The following KCNMB2 variants were observed in gnomAD, a reference collection of about 807,000 sequenced individuals.
KCNMB2 encodes calcium-activated potassium channel subunit beta-2.
KCNMB2 carries 9 observed loss-of-function variants against 24.5 expected under a neutral mutation model. The observed-to-expected ratio is 0.37, with a 90% CI of 0.22 to 0.64. The LOEUF is 0.64. Ranked by LOEUF, KCNMB2 falls within the 30% of genes least tolerant of loss-of-function variation. The probability of loss-of-function intolerance (pLI) is 0.63; values close to 1 mark genes in which losing one functional copy is unlikely to be tolerated. For missense variants in KCNMB2, 226 were observed against 284.3 expected (o/e 0.79, Z 1.47); for synonymous variants, 109 against 104.4 (o/e 1.04, Z -0.27).
chr3:178,610,309 T>C (rs903524727), intron 1 of KCNMB2, among the ~76,000 whole-genome samples: 2 of 152,130 alleles, frequency 1.3e-5, no homozygotes, highest in Non-Finnish European at 2.9e-5. Flanking sequence ...CTGTGAAAAA[T>C]ATTGGTATTT....
At chr3:178,787,227 AT>A (rs1230037780) in intron 1 of KCNMB2, among the ~76,000 whole-genome samples, 97 of 152,328 alleles carry the variant, frequency 6.4e-4, no homozygotes, top group African/African-American at 2.3e-3. Flanking sequence ...TATGTAATTC[AT>A]TTTTAAGTGG....
chr3:178,741,623 T>C (rs1723499706), intron 1 of KCNMB2, among the ~76,000 whole-genome samples: 1 of 152,160 alleles, frequency 6.6e-6, no homozygotes, highest in African/African-American at 2.4e-5. Flanking sequence ...GGGAGGACAT[T>C]GATCCTCTCC....
At chr3:178,588,323 T>G (rs1469141154) in intron 1 of KCNMB2, among the ~76,000 whole-genome samples, 2 of 152,072 alleles carry the variant, frequency 1.3e-5, no homozygotes, top group East Asian at 3.9e-4. Context: ...GTCCTATTAG[T>G]GTATAATTCA....
chr3:178,593,808 C>CTGATTATGTCTTA (rs1717768011), intron 1 of KCNMB2, among the ~76,000 whole-genome samples: 1 of 150,616 alleles, frequency 6.6e-6, no homozygotes, highest in African/African-American at 2.4e-5. Flanking sequence ...TCTTAAAATG[C>CTGATTATGTCTTA]AAGTCTGATT....
Position 178,758,267 on chromosome 3 carries a change from TATATATATATATATCTCCAAGGGG to T in KCNMB2, c.-67-49037_-67-49014del, listed in dbSNP as rs1296294924. 1.3e-3 allele frequency among the ~76,000 whole-genome samples: 29 copies of T among 21,960 alleles called. 2 individuals carry two copies. The highest frequency in any genetic ancestry group is 1.4e-3 in the Non-Finnish European group (21 of 15,262). The allele number at this position is 21,960 out of a possible 152,430, so 14.4% of individuals were successfully genotyped here. ...ATATATATATATATCTCCAAGGGGATATATATATATATATCTCCAAGGGGATATATATATATATCTCCAAGGGGA... is the reference window on the plus strand; with the variant it reads ...ATATATATATATATCTCCAAGGGGATATATATATATATATCTCCAAGGGGA... On this transcript the variant is annotated intron_variant, in intron 1 of 4. Transcript: ENST00000452583.
chr3:178,604,523 T>A (rs1718207659), intron 1 of KCNMB2, among the ~76,000 whole-genome samples: 1 of 152,200 alleles, frequency 6.6e-6, no homozygotes, highest in African/African-American at 2.4e-5. Flanking sequence ...AAAATTACCC[T>A]ATGGTTTTAG....
chr3:178,562,681 T>C (rs1355073446), intron 1 of KCNMB2, among the ~76,000 whole-genome samples: 1 of 152,194 alleles, frequency 6.6e-6, no homozygotes, highest in Non-Finnish European at 1.5e-5. Context: ...TGTAAGGAAA[T>C]GTGCTGAAAT....
intron 1 of KCNMB2, among the ~76,000 whole-genome samples, chr3:178,694,109 C>G (rs1721787819): frequency 6.6e-6 from 1 of 152,100 alleles, no homozygotes; most frequent in Non-Finnish European, 1.5e-5. Context: ...CCTCACGAAA[C>G]TTATAAGCAT....
intron 1 of KCNMB2, among the ~76,000 whole-genome samples, chr3:178,546,634 T>C (rs1715784012): frequency 6.6e-6 from 1 of 152,146 alleles, no homozygotes. Flanking sequence ...TCAATGTGTC[T>C]GGAGAGCAAG....
chr3:178,731,524 C>T (rs570723952), intron 1 of KCNMB2, among the ~76,000 whole-genome samples: 4 of 152,168 alleles, frequency 2.6e-5, no homozygotes, highest in East Asian at 1.9e-4. Context: ...GCAATGTATA[C>T]GACTAGATGA....
intron 1 of KCNMB2, among the ~76,000 whole-genome samples, chr3:178,668,090 C>T (rs554632188): frequency 1.3e-5 from 2 of 152,240 alleles, no homozygotes; most frequent in South Asian, 4.1e-4. Flanking sequence ...AGACAAAGAT[C>T]CTTCTTTGAA....
intron 1 of KCNMB2, among the ~76,000 whole-genome samples, chr3:178,787,029 A>G (rs1028737959): frequency 1.3e-5 from 2 of 152,142 alleles, no homozygotes; most frequent in African/African-American, 4.8e-5. Flanking sequence ...TATAAGGAAT[A>G]GGAGACCACG....
chr3:178,841,641 G>T (rs550555642), intron 4 of KCNMB2: 2 of 152,300 alleles, frequency 1.3e-5, no homozygotes, highest in African/African-American at 4.8e-5. Context: ...AAGCAAGAGA[G>T]AGAACATGAG....
chr3:178,808,671 CTAAA>C (rs1292639759), intron 2 of KCNMB2, among the ~76,000 whole-genome samples: 2 of 152,004 alleles, frequency 1.3e-5, no homozygotes, highest in African/African-American at 4.8e-5. Context: ...AGAAAATGTG[CTAAA>C]TAAATCACTG....
At chr3:178,642,745 A>G (rs1719771977) in intron 1 of KCNMB2, among the ~76,000 whole-genome samples, 1 of 152,206 alleles carries the variant, frequency 6.6e-6, no homozygotes, top group African/African-American at 2.4e-5. Flanking sequence ...TATATCACCA[A>G]TTTAAAATTT....
chr3:178,786,702 C>T (rs1159697022), intron 1 of KCNMB2, among the ~76,000 whole-genome samples: 3 of 151,732 alleles, frequency 2.0e-5, no homozygotes, highest in South Asian at 2.1e-4. Context: ...CAAACCTGCA[C>T]GTTGTGCACA....
intron 1 of KCNMB2, among the ~76,000 whole-genome samples, chr3:178,676,252 AGAGCAT>A (rs1217365672): frequency 6.6e-6 from 1 of 152,196 alleles, no homozygotes; most frequent in East Asian, 1.9e-4. Flanking sequence ...GACGCACACC[AGAGCAT>A]GAGTGACAAG....
intron 4 of KCNMB2, among the ~76,000 whole-genome samples, chr3:178,830,629 T>C (rs1315306524): frequency 6.6e-6 from 1 of 152,164 alleles, no homozygotes; most frequent in East Asian, 1.9e-4. Context: ...CATTTGGTAA[T>C]ATCTGTAATT....
At chr3:178,745,471 T>C (rs1034673969) in intron 1 of KCNMB2, among the ~76,000 whole-genome samples, 2 of 152,118 alleles carry the variant, frequency 1.3e-5, no homozygotes, top group Admixed American at 6.5e-5. Context: ...AAGATGAAAT[T>C]TGGGTGCAGA....
Sources: allele counts gnomAD v4.1 joint callset (sites outside exome capture counted in the v4.1 genomes callset), GRCh38; gene constraint gnomAD v4.1.1; transcripts MANE v1.5; gene names NCBI Gene and HGNC (gene_info 2026-07-23, HGNC 2026-07-21).